Variants in FAM184B observed in about 807,000 individuals in gnomAD.
FAM184B encodes family with sequence similarity 184 member B.
In FAM184B, 111 loss-of-function variants were observed where a neutral mutation model predicts 135.9. The ratio of observed to expected loss-of-function variants is 0.82; its 90% CI spans 0.70 to 0.96. The LOEUF is 0.96. Among genes scored for constraint, FAM184B ranks in the 40% least tolerant of loss-of-function variants. The pLI is 0.00. For missense variants in FAM184B, 1,375 were observed against 1,323.9 expected, an observed-to-expected ratio of 1.04 and a Z score of -0.60; for synonymous variants, 552 against 524.8, an observed-to-expected ratio of 1.05 and a Z score of -0.71.
chr4:17,651,543 A>T (rs1218060318), intron 11 of FAM184B, among the ~76,000 whole-genome samples: 5 of 147,574 alleles, frequency 3.4e-5, no homozygotes, highest in Admixed American at 3.3e-4. Flanking sequence ...GTCTCAAAAA[A>T]AAAAAAAAAA....
chr4:17,659,991 GTCC>G lies in FAM184B; in HGVS notation c.1788_1790del (p.Glu596del), dbSNP rs1242349089. On this transcript the variant is annotated inframe_deletion, in exon 9 of 18. Transcript: ENST00000265018. ...GCAATTTGGCCTTCTGGCTTTGCCA[GTCC>G]TCCTCTAGACGCTGGATTTTGGATG... 2 of 1,551,262 alleles carry G rather than the reference GTCC, an allele frequency of 1.3e-6. No individual in the cohort carries two copies. The highest frequency in any genetic ancestry group is 1.7e-6 in the Non-Finnish European group (2 of 1,147,004).
chr4:17,646,134 C>A (rs1174125743), intron 12 of FAM184B, among the ~76,000 whole-genome samples: 3 of 152,216 alleles, frequency 2.0e-5, no homozygotes, highest in Non-Finnish European at 4.4e-5. Context: ...GTTGGTGGGA[C>A]TGTAAACTGG....
chr4:17,685,882 G>A (rs946351788), intron 7 of FAM184B, among the ~76,000 whole-genome samples: 1 of 152,232 alleles, frequency 6.6e-6, no homozygotes, highest in Middle Eastern at 3.4e-3. Context: ...CATGGACATC[G>A]TGACCATGAC....
intron 10 of FAM184B, among the ~76,000 whole-genome samples, chr4:17,654,283 G>T (rs1715729173): frequency 6.6e-6 from 1 of 151,276 alleles, no homozygotes; most frequent in Admixed American, 6.6e-5. Context: ...TTGGAGAGAT[G>T]AATTTGGTTT....
chr4:17,705,683 C>A (rs1717097777), intron 4 of FAM184B, 69 bp downstream of exon 4: 4 of 1,527,494 alleles, frequency 2.6e-6, no homozygotes, highest in Admixed American at 2.0e-5. Context: ...CTGGCCTCTA[C>A]CTGACGCTTA....
intron 1 of FAM184B, among the ~76,000 whole-genome samples, chr4:17,709,966 G>T (rs910204285): frequency 6.6e-6 from 1 of 152,162 alleles, no homozygotes; most frequent in Admixed American, 6.5e-5. Flanking sequence ...AAGCAGAGAA[G>T]TGATGTCATC....
chr4:17,671,605 C>G (rs1055211659), intron 7 of FAM184B, among the ~76,000 whole-genome samples: 1 of 151,794 alleles, frequency 6.6e-6, no homozygotes, highest in South Asian at 2.1e-4. Context: ...CACAGAGAGT[C>G]AAAGAGAATA....
chr4:17,687,434 C>T (rs1382735617), intron 7 of FAM184B, among the ~76,000 whole-genome samples: 1 of 152,174 alleles, frequency 6.6e-6, no homozygotes, highest in Non-Finnish European at 1.5e-5. Flanking sequence ...ATATTGCTGA[C>T]ATGGTACAAC....
At chr4:17,756,702 A>G (rs546897258) in intron 1 of FAM184B, among the ~76,000 whole-genome samples, 5 of 152,328 alleles carry the variant, frequency 3.3e-5, no homozygotes, top group Non-Finnish European at 7.3e-5. Flanking sequence ...AGGAGGGCAG[A>G]TCACCTGAGG....
chr4:17,658,609 T>C, intron 9 of FAM184B, 47 bp from the exon 10 acceptor site: 11 of 1,521,354 alleles, frequency 7.2e-6, no homozygotes, highest in Non-Finnish European at 9.8e-6. Context: ...TTGCCTTTCC[T>C]GGGATGTTTT....
chr4:17,764,561 G>T (rs969131937), intron 1 of FAM184B, among the ~76,000 whole-genome samples: 1 of 152,152 alleles, frequency 6.6e-6, no homozygotes, highest in African/African-American at 2.4e-5. Context: ...ATTAATGGAG[G>T]TTCTAAAGAT....
intron 6 of FAM184B, among the ~76,000 whole-genome samples, chr4:17,692,135 A>G (rs182747344): frequency 3.9e-5 from 6 of 152,156 alleles, no homozygotes; most frequent in Admixed American, 3.3e-4. Flanking sequence ...TGGTCCATGT[A>G]CAACATGAAG....
intron 17 of FAM184B, 35 bp from the exon 18 acceptor site, chr4:17,632,660 G>C (rs1714993987): frequency 7.1e-7 from 1 of 1,406,162 alleles, no homozygotes; most frequent in African/African-American, 1.4e-5. Flanking sequence ...ATATGGTTTT[G>C]AAAACTATGC....
At chr4:17,748,668 C>A (rs970740290) in intron 1 of FAM184B, among the ~76,000 whole-genome samples, 1 of 151,808 alleles carries the variant, frequency 6.6e-6, no homozygotes, top group Non-Finnish European at 1.5e-5. Flanking sequence ...AGATTCGTAC[C>A]ACCACACCCA....
intron 1 of FAM184B, among the ~76,000 whole-genome samples, chr4:17,753,802 G>A (rs1037084479): frequency 2.6e-5 from 4 of 152,206 alleles, no homozygotes; most frequent in African/African-American, 9.7e-5. Context: ...GGCGATCTCT[G>A]CATTGTGATG....
Position 17,631,230 on chromosome 4 carries a change from T to A in FAM184B, c.*1302A>T, listed in dbSNP as rs769143476. 6.6e-5 allele frequency: 10 copies of A among 151,070 alleles called. No homozygotes were observed. The highest frequency in any genetic ancestry group is 1.3e-4 in the Admixed American group (2 of 15,250). 9.4% of individuals were successfully genotyped at this position (151,070 alleles called of 1,614,324 possible). ...GGGATATATATATATATTTTTTTAA[T>A]CTGTAGAGATGGGATCTCACTATCT... On this transcript the variant is annotated 3_prime_UTR_variant, in exon 18 of 18. Coordinates refer to ENST00000265018, the MANE Select transcript of FAM184B (RefSeq NM_015688.2).
At chr4:17,687,013 T>G (rs1438815301) in intron 7 of FAM184B, among the ~76,000 whole-genome samples, 1 of 152,198 alleles carries the variant, frequency 6.6e-6, no homozygotes, top group African/African-American at 2.4e-5. Flanking sequence ...CATACAAATG[T>G]TAATTATTAT....
At chr4:17,634,170 C>T (rs1387525762) in intron 16 of FAM184B, 4 of 271,002 alleles carry the variant, frequency 1.5e-5, no homozygotes, top group African/African-American at 2.2e-5. Context: ...CATGTAACAC[C>T]CCCAGCAGGG....
rs1247344906 is a variant in FAM184B at position 17,631,647 on chromosome 4, C to G, written c.*885G>C. 2 of 152,120 alleles carry G rather than the reference C, an allele frequency of 1.3e-5. No individual in the cohort carries two copies. 9.4% of individuals were successfully genotyped at this position (152,120 alleles called of 1,614,324 possible). On this transcript the variant is annotated 3_prime_UTR_variant, in exon 18 of 18. Coordinates refer to ENST00000265018, the MANE Select transcript of FAM184B (RefSeq NM_015688.2). ...TATCTTGCTTAATCCTTGCAAAGCC[C>G]TTTTAGAGGTGGGTGTTATCCCATC...
Sources: allele counts gnomAD v4.1 joint callset (sites outside exome capture counted in the v4.1 genomes callset), GRCh38; gene constraint gnomAD v4.1.1; transcripts MANE v1.5; gene names NCBI Gene and HGNC (gene_info 2026-07-23, HGNC 2026-07-21).